Variants in KIN observed in about 807,000 individuals in gnomAD.
KIN encodes DNA/RNA-binding protein KIN17.
A neutral mutation model predicts 63.0 loss-of-function variants in KIN; 47 were observed. The ratio of observed to expected loss-of-function variants is 0.75; its 90% CI spans 0.59 to 0.95. The LOEUF is 0.95. Ranked by LOEUF, KIN falls within the 40% of genes least tolerant of loss-of-function variation. The probability of loss-of-function intolerance (pLI) is 0.00; values close to 1 mark genes in which losing one functional copy is unlikely to be tolerated. For synonymous variants in KIN, 160 were observed against 157.7 expected (o/e 1.01, Z -0.11); for missense variants, 408 against 460.9 (o/e 0.89, Z 1.05).
intron 11 of KIN, among the ~76,000 whole-genome samples, chr10:7,762,206 C>A (rs1346330806): frequency 6.7e-6 from 1 of 150,372 alleles, no homozygotes; most frequent in East Asian, 1.9e-4. Context: ...TATATGTCTA[C>A]GTTTTGCTTC....
chr10:7,785,080 T>C (rs1447816926), intron 1 of KIN, among the ~76,000 whole-genome samples: 1 of 151,184 alleles, frequency 6.6e-6, no homozygotes, highest in African/African-American at 2.4e-5. Context: ...GGAGACCCTA[T>C]CTCTATACAA....
At chr10:7,777,329 G>C (rs11255360) in intron 5 of KIN, among the ~76,000 whole-genome samples, 30,249 of 151,548 alleles carry the variant, frequency 0.2, 3,099 homozygotes, top group Admixed American at 0.25. Context: ...GGTTATGTCT[G>C]GGAGATGGGG....
intron 2 of KIN, among the ~76,000 whole-genome samples, chr10:7,780,922 A>G (rs1275900816): frequency 6.6e-6 from 1 of 152,222 alleles, no homozygotes; most frequent in Non-Finnish European, 1.5e-5. Flanking sequence ...TGTTAGTGCC[A>G]CTGATGGTGG....
intron 12 of KIN, 107 bp downstream of exon 12, chr10:7,759,783 G>T (rs778907769): frequency 3.2e-6 from 2 of 615,598 alleles, no homozygotes; most frequent in South Asian, 4.0e-5. Context: ...AGGATAGAAG[G>T]CTAACAAAAA....
At chr10:7,786,599 CAA>C (rs796977812) in intron 1 of KIN, among the ~76,000 whole-genome samples, 5 of 140,166 alleles carry the variant, frequency 3.6e-5, no homozygotes, top group African/African-American at 2.6e-5. Flanking sequence ...GACCGTATCT[CAA>C]AAAAAAAAAG....
At chr10:7,777,207 AC>A (rs1302481431) in intron 5 of KIN, among the ~76,000 whole-genome samples, 7 of 151,924 alleles carry the variant, frequency 4.6e-5, no homozygotes, top group African/African-American at 1.5e-4. Context: ...ACAGGAAGTA[AC>A]AAAAATATAA....
intron 6 of KIN, among the ~76,000 whole-genome samples, chr10:7,775,176 T>A (rs771486707): frequency 2.0e-5 from 3 of 152,190 alleles, no homozygotes; most frequent in Admixed American, 6.5e-5. Flanking sequence ...TCTGTTTAGG[T>A]CTCCACGCCT....
Position 7,754,034 on chromosome 10 carries a change from A to G in KIN, c.*2046T>C. 1 of 456,018 alleles carries G rather than the reference A, an allele frequency of 2.2e-6. No homozygotes were observed. Among genetic ancestry groups the G allele is most frequent in the Non-Finnish European group, 4.4e-6 (1 of 226,772 alleles). 28.2% of individuals were successfully genotyped at this position (456,018 alleles called of 1,614,324 possible). Reference sequence around the variant, plus strand: ...GTCTGTTTTTTGTTTGAACTCTTGTAGAAGATCAACTCAGGCAAGGCGTGG... The same window carrying G: ...GTCTGTTTTTTGTTTGAACTCTTGTGGAAGATCAACTCAGGCAAGGCGTGG... On this transcript the variant is annotated 3_prime_UTR_variant, in exon 13 of 13. Coordinates refer to ENST00000379562, the MANE Select transcript of KIN (RefSeq NM_012311.4).
chr10:7,777,129 C>A (rs1835795660), intron 5 of KIN, among the ~76,000 whole-genome samples: 1 of 150,620 alleles, frequency 6.6e-6, no homozygotes, highest in African/African-American at 2.4e-5. Context: ...ATTCTAAATA[C>A]CAAAAAGCAG....
chr10:7,781,066 T>C (rs1276165731), intron 2 of KIN, among the ~76,000 whole-genome samples: 1 of 152,222 alleles, frequency 6.6e-6, no homozygotes, highest in East Asian at 1.9e-4. Flanking sequence ...ACATAAATCT[T>C]AACCTTCAAG....
intron 1 of KIN, among the ~76,000 whole-genome samples, chr10:7,785,207 G>A (rs944319182): frequency 2.7e-5 from 4 of 149,482 alleles, no homozygotes; most frequent in Non-Finnish European, 4.4e-5. Flanking sequence ...AGCCATGATC[G>A]CGCCACTGTA....
At chr10:7,785,695 G>A (rs934106668) in intron 1 of KIN, among the ~76,000 whole-genome samples, 2 of 151,706 alleles carry the variant, frequency 1.3e-5, no homozygotes, top group African/African-American at 4.8e-5. Context: ...AAAGTAGCTG[G>A]GACAGCTACT....
intron 5 of KIN, among the ~76,000 whole-genome samples, chr10:7,777,813 C>T (rs1486727554): frequency 6.6e-5 from 10 of 151,416 alleles, no homozygotes; most frequent in African/African-American, 9.7e-5. Context: ...ACACGAGAAT[C>T]GCTTGAACCC....
intron 7 of KIN, among the ~76,000 whole-genome samples, chr10:7,772,889 C>A (rs1835695016): frequency 6.6e-6 from 1 of 152,182 alleles, no homozygotes; most frequent in Non-Finnish European, 1.5e-5. Context: ...ATCAATGTTA[C>A]ATTATCTAAG....
intron 5 of KIN, among the ~76,000 whole-genome samples, chr10:7,778,337 T>C (rs1236886165): frequency 6.6e-6 from 1 of 152,242 alleles, no homozygotes; most frequent in Non-Finnish European, 1.5e-5. Flanking sequence ...GAAGTTAGTA[T>C]GTCAGGAATC....
At chr10:7,761,205 T>C (rs1835429326) in intron 11 of KIN, 1 of 152,206 alleles carries the variant, frequency 6.6e-6, no homozygotes, top group South Asian at 2.1e-4. Context: ...TTTACATATG[T>C]GTGATTTATT....
At chr10:7,776,590 G>T (rs907436202) in intron 5 of KIN, among the ~76,000 whole-genome samples, 11 of 151,750 alleles carry the variant, frequency 7.2e-5, no homozygotes, top group Middle Eastern at 3.4e-3. Flanking sequence ...AATTAGCCCG[G>T]CATGGTGGCG....
intron 8 of KIN, among the ~76,000 whole-genome samples, chr10:7,767,110 T>C (rs966373254): frequency 1.3e-5 from 2 of 151,982 alleles, no homozygotes; most frequent in Admixed American, 6.6e-5. Flanking sequence ...TCAAAAAAGG[T>C]CGATTTGGCT....
rs1429729588 is a variant in KIN at position 7,753,051 on chromosome 10, CTA to C, written c.*3027_*3028del. Reference sequence around the variant, plus strand: ...CAGAGACTGCTCTAAAAAGTAAAGTCTATGTTTGAAATAAAGAAAAATAGCTT... The same window carrying C: ...CAGAGACTGCTCTAAAAAGTAAAGTCTGTTTGAAATAAAGAAAAATAGCTT... On this transcript the variant is annotated 3_prime_UTR_variant, in exon 13 of 13. Coordinates refer to ENST00000379562, the MANE Select transcript of KIN (RefSeq NM_012311.4). The C allele has an allele frequency of 6.6e-6, 1 of 152,044 alleles. No individual in the cohort carries two copies. Among genetic ancestry groups the C allele is most frequent in the Non-Finnish European group, 1.5e-5 (1 of 68,014 alleles). 9.4% of individuals were successfully genotyped at this position (152,044 alleles called of 1,614,324 possible).
Sources: allele counts gnomAD v4.1 joint callset (sites outside exome capture counted in the v4.1 genomes callset), GRCh38; gene constraint gnomAD v4.1.1; transcripts MANE v1.5; gene names NCBI Gene and HGNC (gene_info 2026-07-23, HGNC 2026-07-21).